The following NCOA1 variants were observed in gnomAD, a reference collection of about 807,000 sequenced individuals.
NCOA1 encodes Hin-2 protein.
NCOA1 carries 35 observed loss-of-function variants against 150.9 expected under a neutral mutation model. That is an observed-to-expected ratio of 0.23 (90% CI 0.18 to 0.31). NCOA1 has a LOEUF of 0.31. Ranked by LOEUF, NCOA1 falls within the 10% of genes least tolerant of loss-of-function variation. The pLI, the probability that NCOA1 is intolerant of heterozygous loss-of-function variation, is 1.00. For missense variants in NCOA1, 1,491 were observed against 1,749.3 expected (o/e 0.85, Z 2.63); for synonymous variants, 590 against 630.0 (o/e 0.94, Z 0.95).
chr2:24,652,902 T>C (rs1670773245), intron 4 of NCOA1, among the ~76,000 whole-genome samples: 1 of 152,210 alleles, frequency 6.6e-6, no homozygotes, highest in Non-Finnish European at 1.5e-5. Context: ...CCATTTCACA[T>C]AAATACAACT....
At chr2:24,524,029 G>A (rs1157048963) in intron 1 of NCOA1, among the ~76,000 whole-genome samples, 1 of 151,720 alleles carries the variant, frequency 6.6e-6, no homozygotes, top group Non-Finnish European at 1.5e-5. Flanking sequence ...TCCACTTATG[G>A]GAGCTGATTT....
intron 1 of NCOA1, among the ~76,000 whole-genome samples, chr2:24,518,811 G>A (rs888297282): frequency 6.6e-6 from 1 of 152,096 alleles, no homozygotes; most frequent in Non-Finnish European, 1.5e-5. Flanking sequence ...AAGTGTTCCC[G>A]AGAGAAATTA....
intron 5 of NCOA1, among the ~76,000 whole-genome samples, chr2:24,660,904 A>G (rs965198312): frequency 5.3e-5 from 8 of 151,956 alleles, no homozygotes; most frequent in African/African-American, 1.9e-4. Flanking sequence ...TATTTAAGAA[A>G]AAAAAAAATT....
At chr2:24,522,822 C>A (rs539828664) in intron 1 of NCOA1, among the ~76,000 whole-genome samples, 9 of 152,210 alleles carry the variant, frequency 5.9e-5, no homozygotes, top group South Asian at 4.1e-4. Flanking sequence ...GAGGAAGATT[C>A]TTGCTTTTAA....
chr2:24,573,440 TTAGA>T (rs1339502788), intron 2 of NCOA1, among the ~76,000 whole-genome samples: 2 of 152,040 alleles, frequency 1.3e-5, no homozygotes, highest in African/African-American at 4.8e-5. Flanking sequence ...AAACCCAGAG[TTAGA>T]TAAAGGTACA....
At chr2:24,705,867 A>G (rs1417678457) in intron 12 of NCOA1, among the ~76,000 whole-genome samples, 1 of 152,198 alleles carries the variant, frequency 6.6e-6, no homozygotes, top group Non-Finnish European at 1.5e-5. Context: ...GAACATGGTA[A>G]TGCCAGTCAC....
chr2:24,723,170 A>G (rs1029077510), intron 14 of NCOA1, among the ~76,000 whole-genome samples: 4 of 152,190 alleles, frequency 2.6e-5, no homozygotes, highest in Non-Finnish European at 4.4e-5. Flanking sequence ...AATTACGTAC[A>G]TAGACTTCCC....
intron 2 of NCOA1, among the ~76,000 whole-genome samples, chr2:24,578,627 G>A (rs1362014241): frequency 6.6e-6 from 1 of 152,056 alleles, no homozygotes; most frequent in Non-Finnish European, 1.5e-5. Flanking sequence ...TACTTACTGA[G>A]TAACCATAAT....
At position 24,707,488 on chromosome 2, in the gene NCOA1, G is replaced by A; in HGVS notation, c.2018G>A (p.Gly673Glu). The change falls in exon 13 of 23, where the codon GGA (glycine) becomes GAA (glutamate). Residue 673 changes from glycine (G) to glutamate (E), a missense_variant. Gly to Glu is a moderately conservative substitution (Grantham distance 98). Coordinates refer to ENST00000348332, the MANE Select transcript of NCOA1 (RefSeq NM_003743.5). ...TSNSASANSS[G>E]GSCPSSHSSL... ...AACTCTGCCTCTGCTAACTCTTCAG[G>A]AGGTTCTTGTCCCTCTTCTCATAGC... 6.2e-7 allele frequency: 1 copy of A among 1,614,116 alleles called. No homozygotes were observed. The highest frequency in any genetic ancestry group is 8.5e-7 in the Non-Finnish European group (1 of 1,180,008).
intron 3 of NCOA1, among the ~76,000 whole-genome samples, chr2:24,602,150 A>C (rs1668151170): frequency 6.6e-6 from 1 of 152,182 alleles, no homozygotes. Context: ...CTGACAAGTC[A>C]TGTGATTGGG....
At chr2:24,583,164 T>C (rs1667268665) in intron 2 of NCOA1, among the ~76,000 whole-genome samples, 1 of 152,118 alleles carries the variant, frequency 6.6e-6, no homozygotes, top group Non-Finnish European at 1.5e-5. Context: ...CAAACTATTC[T>C]TCTGATAAGA....
chr2:24,671,286 C>G (rs1671671810), intron 6 of NCOA1, among the ~76,000 whole-genome samples: 1 of 151,902 alleles, frequency 6.6e-6, no homozygotes. Context: ...TACAATTGTC[C>G]CTTGGTATGT....
chr2:24,592,544 AGT>A (rs1170802525), intron 3 of NCOA1, among the ~76,000 whole-genome samples: 3 of 150,876 alleles, frequency 2.0e-5, no homozygotes, highest in African/African-American at 7.3e-5. Context: ...ATTTAAGAAA[AGT>A]GTTTTTCTCT....
intron 1 of NCOA1, among the ~76,000 whole-genome samples, chr2:24,547,938 G>A (rs937773344): frequency 1.5e-4 from 20 of 131,348 alleles, no homozygotes; most frequent in East Asian, 6.9e-4. Context: ...GCAGTGAGCC[G>A]AGATCGCACC....
At chr2:24,514,952 C>T (rs1027060659) in intron 1 of NCOA1, among the ~76,000 whole-genome samples, 2 of 152,030 alleles carry the variant, frequency 1.3e-5, no homozygotes, top group South Asian at 2.1e-4. Flanking sequence ...AGCTTAAAGA[C>T]AGAGATGGTA....
At chr2:24,629,844 A>ATATATATATATATATG (rs1553439211) in intron 3 of NCOA1, among the ~76,000 whole-genome samples, 1 of 136,064 alleles carries the variant, frequency 7.3e-6, no homozygotes, top group Non-Finnish European at 1.5e-5. Context: ...ATATATATAT[A>ATATATATATATATATG]TATGTATTTT....
intron 1 of NCOA1, among the ~76,000 whole-genome samples, chr2:24,544,237 T>G (rs1237250058): frequency 6.6e-6 from 1 of 152,148 alleles, no homozygotes; most frequent in African/African-American, 2.4e-5. Context: ...GAGTTCAGTT[T>G]GAGATGCCTA....
chr2:24,593,885 G>A (rs1236335213), intron 3 of NCOA1, among the ~76,000 whole-genome samples: 1 of 152,102 alleles, frequency 6.6e-6, no homozygotes, highest in East Asian at 1.9e-4. Flanking sequence ...GAGAAGAGAA[G>A]CATTAAATCT....
At chr2:24,537,281 C>T (rs929143133) in intron 1 of NCOA1, among the ~76,000 whole-genome samples, 6 of 150,984 alleles carry the variant, frequency 4.0e-5, no homozygotes, top group African/African-American at 1.2e-4. Flanking sequence ...CACACAAACA[C>T]GAAAATTATA....
Sources: allele counts gnomAD v4.1 joint callset (sites outside exome capture counted in the v4.1 genomes callset), GRCh38; gene constraint gnomAD v4.1.1; transcripts MANE v1.5; gene names NCBI Gene and HGNC (gene_info 2026-07-23, HGNC 2026-07-21).